The following RPS6KC1 variants were observed in gnomAD, a reference collection of about 807,000 sequenced individuals.
RPS6KC1 encodes the protein ribosomal protein S6 kinase C1, also known as inactive ribosomal protein S6 kinase delta-1.
In RPS6KC1, 54 loss-of-function variants were observed where a neutral mutation model predicts 103.8. That is an observed-to-expected ratio of 0.52 (90% CI 0.42 to 0.65). The LOEUF is 0.65. RPS6KC1 is among the 30% of genes least tolerant of loss of function. RPS6KC1 has a pLI of 0.00. For missense variants in RPS6KC1, 1,151 were observed against 1,253.8 expected (o/e 0.92, Z 1.24); for synonymous variants, 439 against 438.7 (o/e 1.00, Z -0.01).
chr1:213,217,520 T>G (rs546085800), intron 8 of RPS6KC1, among the ~76,000 whole-genome samples: 1 of 152,340 alleles, frequency 6.6e-6, no homozygotes, highest in East Asian at 1.9e-4. Flanking sequence ...TAACTCATTT[T>G]ATGAGGCCAG....
At chr1:213,343,371 C>CTT in the RPS6KC1 span, among the ~76,000 whole-genome samples, 3 of 101,828 alleles carry the variant, frequency 2.9e-5, no homozygotes, top group African/African-American at 4.1e-5. Context: ...GGAGCTTAAA[C>CTT]TTTTTTTTCA....
chr1:213,499,662 T>G, the RPS6KC1 span, among the ~76,000 whole-genome samples: 38,428 of 152,048 alleles, frequency 0.25, 5,486 homozygotes, highest in Middle Eastern at 0.38. Context: ...AACAGGACAT[T>G]GACCAGTACT....
the RPS6KC1 span, among the ~76,000 whole-genome samples, chr1:213,307,264 C>T: frequency 2.0e-5 from 3 of 151,754 alleles, no homozygotes; most frequent in Admixed American, 6.6e-5. Flanking sequence ...AGGGTTTCAC[C>T]GTGGTCTCAA....
At chr1:213,742,928 T>C in the RPS6KC1 span, among the ~76,000 whole-genome samples, 2 of 152,224 alleles carry the variant, frequency 1.3e-5, no homozygotes, top group African/African-American at 2.4e-5. Flanking sequence ...TTATACACTG[T>C]TGGTGGGTGG....
At chr1:213,076,046 G>C (rs1044118317) in intron 2 of RPS6KC1, among the ~76,000 whole-genome samples, 2 of 152,150 alleles carry the variant, frequency 1.3e-5, no homozygotes, top group African/African-American at 4.8e-5. Flanking sequence ...TTCCTAACTA[G>C]ACTGTGAACT....
chr1:213,804,336 A>G, the RPS6KC1 span, among the ~76,000 whole-genome samples: 1 of 152,080 alleles, frequency 6.6e-6, no homozygotes, highest in Non-Finnish European at 1.5e-5. Context: ...TCTTTCACTT[A>G]TTTCATTCAC....
chr1:213,668,646 G>A, the RPS6KC1 span, among the ~76,000 whole-genome samples: 53 of 152,192 alleles, frequency 3.5e-4, no homozygotes, highest in Admixed American at 2.4e-3. Context: ...ATCTTTTGAA[G>A]CTTTCAAACC....
the RPS6KC1 span, among the ~76,000 whole-genome samples, chr1:213,649,989 G>C: frequency 2.1e-3 from 315 of 152,294 alleles, 2 homozygotes; most frequent in African/African-American, 7.2e-3. Flanking sequence ...CAGCAACTGA[G>C]AGTAGGTATT....
chr1:213,230,857 GAGTA>G (rs2094085550), intron 9 of RPS6KC1, among the ~76,000 whole-genome samples: 1 of 136,408 alleles, frequency 7.3e-6, no homozygotes, highest in Non-Finnish European at 1.6e-5. Context: ...AAAAAAAAAA[GAGTA>G]AGTAAAATTT....
the RPS6KC1 span, among the ~76,000 whole-genome samples, chr1:213,448,517 A>C: frequency 6.6e-6 from 1 of 152,190 alleles, no homozygotes. Flanking sequence ...ACAGAGCCTC[A>C]AGCCTGGGCG....
At chr1:213,554,938 G>A in the RPS6KC1 span, among the ~76,000 whole-genome samples, 6 of 152,078 alleles carry the variant, frequency 3.9e-5, no homozygotes, top group East Asian at 3.9e-4. Context: ...ATACCCCTCC[G>A]TCACCTTTAT....
chr1:213,693,853 T>C, the RPS6KC1 span, among the ~76,000 whole-genome samples: 1 of 152,234 alleles, frequency 6.6e-6, no homozygotes, highest in Non-Finnish European at 1.5e-5. Context: ...AGCTTTCTAA[T>C]CTATTTGTGC....
At chr1:213,778,166 G>A in the RPS6KC1 span, among the ~76,000 whole-genome samples, 1 of 152,164 alleles carries the variant, frequency 6.6e-6, no homozygotes, top group Non-Finnish European at 1.5e-5. Flanking sequence ...GAAAGTAGAA[G>A]GAGTTATCAG....
chr1:213,384,611 T>C, the RPS6KC1 span, among the ~76,000 whole-genome samples: 2 of 152,142 alleles, frequency 1.3e-5, no homozygotes, highest in African/African-American at 4.8e-5. Context: ...GAAGGCCGAC[T>C]GTCACCAGGT....
the RPS6KC1 span, among the ~76,000 whole-genome samples, chr1:213,671,919 T>C: frequency 6.6e-6 from 1 of 151,812 alleles, no homozygotes; most frequent in Non-Finnish European, 1.5e-5. Flanking sequence ...CCCATAAATA[T>C]ATATGATTAT....
chr1:213,464,284 G>A, the RPS6KC1 span, among the ~76,000 whole-genome samples: 6 of 152,162 alleles, frequency 3.9e-5, no homozygotes, highest in African/African-American at 1.2e-4. Context: ...TTCTTTGAAT[G>A]CTTGGTAGAA....
chr1:213,103,328 A>G (rs1390343739), intron 3 of RPS6KC1, among the ~76,000 whole-genome samples: 1 of 152,228 alleles, frequency 6.6e-6, no homozygotes, highest in Non-Finnish European at 1.5e-5. Flanking sequence ...TTTAGTCAGT[A>G]TGATAGAACT....
chr1:213,236,750 A>G (rs1418950054), intron 10 of RPS6KC1, among the ~76,000 whole-genome samples: 1 of 152,162 alleles, frequency 6.6e-6, no homozygotes, highest in African/African-American at 2.4e-5. Flanking sequence ...ATGAAAGACC[A>G]AATTAAAAGA....
At chr1:213,756,383 T>C in the RPS6KC1 span, among the ~76,000 whole-genome samples, 1 of 152,160 alleles carries the variant, frequency 6.6e-6, no homozygotes, top group African/African-American at 2.4e-5. Context: ...GCAATCCTTG[T>C]GGATTAGGGA....
Sources: gnomAD v4.1 joint callset for allele counts (sites outside exome capture counted in the v4.1 genomes callset) on GRCh38, gnomAD v4.1.1 for gene constraint, MANE v1.5 for transcripts, NCBI Gene and HGNC (gene_info 2026-07-23, HGNC 2026-07-21) for gene names.